HS3ST2: variants seen among roughly 807,000 people sequenced by gnomAD.
The protein encoded by HS3ST2 is heparan sulfate glucosamine 3-O-sulfotransferase 2.
A neutral mutation model predicts 26.3 loss-of-function variants in HS3ST2; 17 were observed. The ratio of observed to expected loss-of-function variants is 0.65; its 90% CI spans 0.44 to 0.97. The LOEUF (loss-of-function observed/expected upper bound fraction) is 0.97. HS3ST2 is among the 50% of genes least tolerant of loss of function. The pLI, the probability that HS3ST2 is intolerant of heterozygous loss-of-function variation, is 0.00. For synonymous variants in HS3ST2, 237 were observed against 219.2 expected (o/e 1.08, Z -0.72); for missense variants, 402 against 501.2 (o/e 0.80, Z 1.89).
At chr16:22,866,815 TA>T (rs773751012) in intron 1 of HS3ST2, among the ~76,000 whole-genome samples, 1 of 151,880 alleles carries the variant, frequency 6.6e-6, no homozygotes, top group East Asian at 1.9e-4. Flanking sequence ...AAAAGAAAGA[TA>T]AAAAATTTGC....
chr16:22,824,090 G>A (rs760073651), intron 1 of HS3ST2, among the ~76,000 whole-genome samples: 2 of 152,226 alleles, frequency 1.3e-5, no homozygotes, highest in Non-Finnish European at 2.9e-5. Flanking sequence ...AAAAGTCAGA[G>A]ATAAAGTTGT....
intron 1 of HS3ST2, among the ~76,000 whole-genome samples, chr16:22,858,555 TTTTG>T (rs59520466): frequency 3.1e-4 from 46 of 150,802 alleles, no homozygotes; most frequent in African/African-American, 6.6e-4. Flanking sequence ...GGAATCCTTT[TTTTG>T]TTTGTTTGTT....
intron 1 of HS3ST2, among the ~76,000 whole-genome samples, chr16:22,841,984 T>A (rs1345164974): frequency 6.6e-6 from 1 of 152,018 alleles, no homozygotes; most frequent in African/African-American, 2.4e-5. Context: ...ATCTAGACAA[T>A]CTGTCTTTTT....
At chr16:22,861,086 A>G (rs1265121153) in intron 1 of HS3ST2, among the ~76,000 whole-genome samples, 1 of 152,134 alleles carries the variant, frequency 6.6e-6, no homozygotes, top group Admixed American at 6.5e-5. Context: ...TATGTTGCCC[A>G]GGCTGATCTT....
chr16:22,855,135 T>C (rs1377489982), intron 1 of HS3ST2, among the ~76,000 whole-genome samples: 1 of 152,218 alleles, frequency 6.6e-6, no homozygotes. Flanking sequence ...ACCACATTTT[T>C]CCTCTGCCCA....
chr16:22,843,678 A>G (rs1206131245), intron 1 of HS3ST2, among the ~76,000 whole-genome samples: 3 of 152,160 alleles, frequency 2.0e-5, no homozygotes, highest in Non-Finnish European at 4.4e-5. Flanking sequence ...CCCCCACCCC[A>G]GCTCGTGGAT....
intron 1 of HS3ST2, among the ~76,000 whole-genome samples, chr16:22,859,534 T>C (rs927835076): frequency 6.6e-6 from 1 of 152,294 alleles, no homozygotes; most frequent in African/African-American, 2.4e-5. Flanking sequence ...ACATCTTTTA[T>C]GAGTCTTGTG....
At chr16:22,823,490 A>G (rs755851221) in intron 1 of HS3ST2, among the ~76,000 whole-genome samples, 3 of 152,154 alleles carry the variant, frequency 2.0e-5, no homozygotes, top group Non-Finnish European at 4.4e-5. Flanking sequence ...CCGAAAACTC[A>G]GTTTAAGTAA....
chr16:22,883,942 C>G (rs1287706436), intron 1 of HS3ST2, among the ~76,000 whole-genome samples: 1 of 152,174 alleles, frequency 6.6e-6, no homozygotes, highest in African/African-American at 2.4e-5. Flanking sequence ...TGGGGCCTCA[C>G]AGAGAACAAT....
chr16:22,819,984 A>T (rs1900964101), intron 1 of HS3ST2, among the ~76,000 whole-genome samples: 1 of 152,238 alleles, frequency 6.6e-6, no homozygotes, highest in Non-Finnish European at 1.5e-5. Flanking sequence ...TGATCAACAC[A>T]CAAAACAGAC....
chr16:22,885,779 A>T (rs564994226), intron 1 of HS3ST2, among the ~76,000 whole-genome samples: 32 of 152,192 alleles, frequency 2.1e-4, no homozygotes, highest in Non-Finnish European at 2.6e-4. Context: ...TTTACTGAAG[A>T]TGCTCCTCTG....
chr16:22,900,211 T>C (rs1359805069), intron 1 of HS3ST2, among the ~76,000 whole-genome samples: 2 of 152,212 alleles, frequency 1.3e-5, no homozygotes, highest in Non-Finnish European at 2.9e-5. Flanking sequence ...ATAGAAAGCT[T>C]GTCTGGGAGT....
intron 1 of HS3ST2, among the ~76,000 whole-genome samples, chr16:22,887,972 C>T (rs1328052062): frequency 6.6e-6 from 1 of 152,148 alleles, no homozygotes; most frequent in African/African-American, 2.4e-5. Flanking sequence ...GAATAACAGA[C>T]AAAGATGTGG....
At chr16:22,888,644 C>G (rs991075916) in intron 1 of HS3ST2, among the ~76,000 whole-genome samples, 10 of 152,056 alleles carry the variant, frequency 6.6e-5, no homozygotes, top group African/African-American at 1.7e-4. Context: ...CTCGGCCTGG[C>G]AAAGTGCTGG....
Position 22,915,466 on chromosome 16 carries a change from G to T in HS3ST2, c.1008G>T (p.Gln336His). 1 of 1,613,908 alleles carries T rather than the reference G, an allele frequency of 6.2e-7. No individual in the cohort carries two copies. Among genetic ancestry groups the T allele is most frequent in the African/African-American group, 1.3e-5 (1 of 74,978 alleles). Residue 336 changes from glutamine (Q) to histidine (H), a missense_variant, in exon 2 of 2, where the codon CAG (glutamine) becomes CAT (histidine). Physicochemically the swap from Gln to His is conservative, Grantham distance 24 (BLOSUM62 0). This residue lies in a region of HS3ST2 where 237 missense variants were observed against 346.6 expected (regional missense o/e 0.68). Transcript: ENST00000261374. ...AATCAAAAGGGAGAACTCATGTACAGATTGATCCTGAAGTGATAGACCAGC... is the reference window on the plus strand; with the variant it reads ...AATCAAAAGGGAGAACTCATGTACATATTGATCCTGAAGTGATAGACCAGC... ...LGKSKGRTHV[Q>H]IDPEVIDQLR...
At position 22,815,045 on chromosome 16, in the gene HS3ST2, G is replaced by A. The variant is rs200237470; in HGVS notation, c.435G>A (p.Thr145=). 1 of 1,613,018 alleles carries A rather than the reference G, an allele frequency of 6.2e-7. No individual in the cohort carries two copies. Among genetic ancestry groups the A allele is most frequent in the South Asian group, 1.1e-5 (1 of 91,084 alleles). The part of the protein sequence containing the change: ...RVHPDVRALG[T]EPHFFDRNYG... The stretch of plus-strand genomic sequence containing the variant: ...ACCCGGACGTGCGGGCCTTGGGCAC[G>A]GAACCCCACTTCTTTGACAGGAACT... Residue 145 remains threonine (T), a synonymous_variant, in exon 1 of 2, where the codon ACG becomes ACA. Coordinates refer to ENST00000261374, the MANE Select transcript of HS3ST2 (RefSeq NM_006043.2).
chr16:22,913,123 AAAGGAAGGAAGGAAGG>A (rs1159183388), intron 1 of HS3ST2, among the ~76,000 whole-genome samples: 1 of 94,118 alleles, frequency 1.1e-5, no homozygotes, highest in East Asian at 3.8e-4. Context: ...GAGAAGAAAG[AAAGGAAGGAAGGAAGG>A]AAGGAAGGAA....
At chr16:22,903,669 G>C (rs577823438) in intron 1 of HS3ST2, among the ~76,000 whole-genome samples, 6 of 152,270 alleles carry the variant, frequency 3.9e-5, no homozygotes, top group Admixed American at 1.3e-4. Flanking sequence ...GATAAGCGAG[G>C]TGCAGTCTCT....
At chr16:22,837,538 G>C (rs1263006436) in intron 1 of HS3ST2, among the ~76,000 whole-genome samples, 2 of 141,618 alleles carry the variant, frequency 1.4e-5, no homozygotes, top group Non-Finnish European at 3.0e-5. Context: ...TATATACACA[G>C]ATATATGTAT....
Sources: allele counts gnomAD v4.1 joint callset (sites outside exome capture counted in the v4.1 genomes callset), GRCh38; gene constraint gnomAD v4.1.1; regional missense constraint gnomAD v4.1.1; transcripts MANE v1.5; gene names NCBI Gene and HGNC (gene_info 2026-07-23, HGNC 2026-07-21).